The following NEGR1 variants were observed in gnomAD, a reference collection of about 807,000 sequenced individuals.
NEGR1 encodes the protein neuronal growth regulator 1, also known as IgLON family member 4.
Under a neutral mutation model 40.9 loss-of-function variants are expected in NEGR1, and 10 were observed. The observed-to-expected ratio is 0.24, with a 90% CI of 0.15 to 0.42. The LOEUF is 0.42. Ranked by LOEUF, NEGR1 falls within the 10% of genes least tolerant of loss-of-function variation. NEGR1 has a pLI of 1.00. For synonymous variants in NEGR1, 185 were observed against 166.8 expected, an observed-to-expected ratio of 1.11 and a Z score of -0.84; for missense variants, 352 against 438.9, an observed-to-expected ratio of 0.80 and a Z score of 1.77.
At chr1:71,883,408 A>G (rs945527760) in intron 2 of NEGR1, among the ~76,000 whole-genome samples, 18 of 152,286 alleles carry the variant, frequency 1.2e-4, no homozygotes, top group African/African-American at 4.3e-4. Context: ...TGTTAAATAA[A>G]TAGAAAAATA....
intron 6 of NEGR1, among the ~76,000 whole-genome samples, chr1:71,449,678 T>A (rs1000001828): frequency 6.6e-6 from 1 of 152,222 alleles, no homozygotes; most frequent in Admixed American, 6.5e-5. Context: ...ATTATATCAC[T>A]TAATTCTCAA....
At chr1:71,917,491 A>G (rs1438923159) in intron 2 of NEGR1, among the ~76,000 whole-genome samples, 2 of 152,164 alleles carry the variant, frequency 1.3e-5, no homozygotes, top group African/African-American at 4.8e-5. Flanking sequence ...AACTACATGC[A>G]AATGTAAAGA....
chr1:71,604,162 T>C (rs1419824320), intron 5 of NEGR1, among the ~76,000 whole-genome samples: 1 of 152,144 alleles, frequency 6.6e-6, no homozygotes, highest in African/African-American at 2.4e-5. Context: ...ATATGTGCTA[T>C]CTAGCATTTT....
chr1:71,753,466 T>C (rs17091717), intron 3 of NEGR1, among the ~76,000 whole-genome samples: 2,905 of 152,258 alleles, frequency 0.019, 76 homozygotes, highest in African/African-American at 0.066. Context: ...AGTGGTGTAA[T>C]ATATCTCAGG....
intron 6 of NEGR1, among the ~76,000 whole-genome samples, chr1:71,497,151 C>A (rs1012963302): frequency 1.1e-4 from 17 of 152,098 alleles, no homozygotes; most frequent in Non-Finnish European, 2.4e-4. Flanking sequence ...TGAAGTGATA[C>A]CAGCTAGTAT....
At chr1:71,581,549 C>T (rs1327924839) in intron 6 of NEGR1, among the ~76,000 whole-genome samples, 1 of 152,114 alleles carries the variant, frequency 6.6e-6, no homozygotes, top group East Asian at 1.9e-4. Flanking sequence ...ATGCATGTCA[C>T]ATGCATGGAT....
intron 1 of NEGR1, among the ~76,000 whole-genome samples, chr1:72,143,499 T>C (rs1650763439): frequency 6.6e-6 from 1 of 151,824 alleles, no homozygotes; most frequent in Non-Finnish European, 1.5e-5. Context: ...GGAATCAATG[T>C]GGCTAAACAT....
chr1:71,796,504 C>T (rs1320535083), intron 2 of NEGR1, among the ~76,000 whole-genome samples: 1 of 152,092 alleles, frequency 6.6e-6, no homozygotes, highest in Non-Finnish European at 1.5e-5. Context: ...AGATCAAAAG[C>T]TACAAGAAAG....
chr1:71,575,576 G>A (rs911465482), intron 6 of NEGR1, among the ~76,000 whole-genome samples: 3 of 152,174 alleles, frequency 2.0e-5, no homozygotes, highest in African/African-American at 7.2e-5. Flanking sequence ...GAGGTCAGGA[G>A]ATTGAGACCA....
At chr1:71,551,030 A>C (rs1648058866) in intron 6 of NEGR1, among the ~76,000 whole-genome samples, 1 of 151,606 alleles carries the variant, frequency 6.6e-6, no homozygotes, top group Non-Finnish European at 1.5e-5. Flanking sequence ...GGTACTCTAC[A>C]TTGTATGCTC....
chr1:71,690,625 G>C (rs1380511279), intron 4 of NEGR1, among the ~76,000 whole-genome samples: 15 of 106,080 alleles, frequency 1.4e-4, no homozygotes, highest in South Asian at 3.2e-4. Context: ...GAGACAGAGA[G>C]AGAGAGAGAG....
chr1:72,207,657 T>C (rs1293251591), intron 1 of NEGR1, among the ~76,000 whole-genome samples: 1 of 151,744 alleles, frequency 6.6e-6, no homozygotes, highest in Non-Finnish European at 1.5e-5. Flanking sequence ...TAATCTTTTG[T>C]TTGGGAAAGT....
intron 2 of NEGR1, among the ~76,000 whole-genome samples, chr1:71,828,874 A>G (rs929316479): frequency 6.6e-6 from 1 of 152,002 alleles, no homozygotes; most frequent in African/African-American, 2.4e-5. Flanking sequence ...CACAATGAAC[A>G]CTACTGACGG....
chr1:71,822,929 T>C (rs1411053036), intron 2 of NEGR1, among the ~76,000 whole-genome samples: 1 of 152,004 alleles, frequency 6.6e-6, no homozygotes, highest in East Asian at 1.9e-4. Flanking sequence ...AAAGCATAGC[T>C]GAAATGCCAG....
At chr1:72,091,352 T>TTCCC (rs370278827) in intron 1 of NEGR1, among the ~76,000 whole-genome samples, 66 of 144,520 alleles carry the variant, frequency 4.6e-4, no homozygotes, top group Middle Eastern at 3.5e-3. Context: ...CTCTCTCAGT[T>TTCCC]TCCCTCCCTC....
In NEGR1 at chr1:72,187,547, C is replaced by T. The variant is rs556696165; in HGVS notation, c.176+94772G>A. 6.6e-5 allele frequency among the ~76,000 whole-genome samples: 10 copies of T among 151,478 alleles called. No homozygotes were observed. In the East Asian group the frequency reaches 1.9e-3, roughly 29 times the overall value. Reference sequence around the variant, plus strand: ...GCTCAGCCTATAAGACTTTGAGTTGCTCTACTTTCTTTTTCTTTTGTATTG... The same window carrying T: ...GCTCAGCCTATAAGACTTTGAGTTGTTCTACTTTCTTTTTCTTTTGTATTG... On this transcript the variant is annotated intron_variant, in intron 1 of 6. Transcript: ENST00000357731.
Position 71,870,987 on chromosome 1 carries a change from T to C in NEGR1, c.409+64092A>G, listed in dbSNP as rs530366929. ...TTCTTTGTAAGAATCTCAGCTTTCA[T>C]ACGAATACCTGGGGATAAGAGAACT... On this transcript the variant is annotated intron_variant, in intron 2 of 6. Coordinates refer to ENST00000357731, the MANE Select transcript of NEGR1 (RefSeq NM_173808.3). 2.0e-5 allele frequency among the ~76,000 whole-genome samples: 3 copies of C among 152,292 alleles called. No individual in the cohort carries two copies. In the South Asian group the frequency reaches 6.2e-4, roughly 32 times the overall value.
intron 1 of NEGR1, among the ~76,000 whole-genome samples, chr1:72,059,086 C>A (rs1647141516): frequency 1.3e-5 from 2 of 151,614 alleles, no homozygotes; most frequent in East Asian, 1.9e-4. Context: ...ACATTGATTT[C>A]TTTTTGTTTC....
At chr1:71,697,569 A>G (rs1400867666) in intron 4 of NEGR1, among the ~76,000 whole-genome samples, 1 of 151,866 alleles carries the variant, frequency 6.6e-6, no homozygotes, top group East Asian at 1.9e-4. Flanking sequence ...AAGTCACCCA[A>G]CTAACAGAAG....
Sources: gnomAD v4.1 joint callset for allele counts (sites outside exome capture counted in the v4.1 genomes callset) on GRCh38, gnomAD v4.1.1 for gene constraint, MANE v1.5 for transcripts, NCBI Gene and HGNC (gene_info 2026-07-23, HGNC 2026-07-21) for gene names.